The following PRKCQ variants were observed in gnomAD, a reference collection of about 807,000 sequenced individuals.
The protein encoded by PRKCQ is protein kinase C theta type.
PRKCQ carries 41 observed loss-of-function variants against 91.2 expected under a neutral mutation model. The ratio of observed to expected loss-of-function variants is 0.45; its 90% CI spans 0.35 to 0.58. The LOEUF (loss-of-function observed/expected upper bound fraction) is 0.58. Ranked by LOEUF, PRKCQ falls within the 20% of genes least tolerant of loss-of-function variation. The probability of loss-of-function intolerance (pLI) is 0.00; values close to 1 mark genes in which losing one functional copy is unlikely to be tolerated. For missense variants in PRKCQ, 673 were observed against 896.5 expected (o/e 0.75, Z 3.18); for synonymous variants, 307 against 316.9 (o/e 0.97, Z 0.33).
At chr10:6,490,412 T>C (rs577494757) in intron 8 of PRKCQ, among the ~76,000 whole-genome samples, 32 of 151,724 alleles carry the variant, frequency 2.1e-4, no homozygotes, top group African/African-American at 6.8e-4. Flanking sequence ...GCTTATATAT[T>C]TAATACTTCA....
intron 16 of PRKCQ, 84 bp from the exon 17 acceptor site, chr10:6,431,022 AGCCC>A: frequency 6.7e-7 from 1 of 1,499,764 alleles, no homozygotes; most frequent in Non-Finnish European, 8.9e-7. Flanking sequence ...CTGGTGCACC[AGCCC>A]CTTCTTTTCT....
intron 1 of PRKCQ, among the ~76,000 whole-genome samples, chr10:6,537,193 C>G (rs909714211): frequency 6.6e-6 from 1 of 152,064 alleles, no homozygotes; most frequent in African/African-American, 2.4e-5. Context: ...TTTTTTATTT[C>G]TCGCTTTGTT....
At chr10:6,530,233 T>G (rs1235279677) in intron 1 of PRKCQ, among the ~76,000 whole-genome samples, 2 of 152,152 alleles carry the variant, frequency 1.3e-5, no homozygotes, top group Non-Finnish European at 2.9e-5. Context: ...ATCCCATGAA[T>G]AGAGACATGG....
chr10:6,575,655 A>T (rs2130985702), intron 1 of PRKCQ, among the ~76,000 whole-genome samples: 1 of 152,378 alleles, frequency 6.6e-6, no homozygotes, highest in African/African-American at 2.4e-5. Context: ...GAGTAGCATC[A>T]GCCCAGAGAT....
At position 6,483,450 on chromosome 10, in the gene PRKCQ, CTT is replaced by C; in HGVS notation, c.1167_1168del (p.Ser390PhefsTer31). 1 of 1,614,236 alleles carries C rather than the reference CTT, an allele frequency of 6.2e-7. No homozygotes were observed. Among genetic ancestry groups the C allele is most frequent in the East Asian group, 2.2e-5 (1 of 44,888 alleles). ...CGTGCATTAGCTTACCTTGCCAAAA[CTT>C]CCTTTCCCCAACATTTTGTGCAAGA... On this transcript the variant is annotated frameshift_variant, in exon 11 of 18. Coordinates refer to ENST00000263125, the MANE Select transcript of PRKCQ (RefSeq NM_006257.5). LOFTEE classifies it high-confidence loss of function.
the PRKCQ span, among the ~76,000 whole-genome samples, chr10:6,404,726 TCCTC>T: frequency 2.0e-5 from 3 of 146,992 alleles, no homozygotes; most frequent in Admixed American, 1.3e-4. Context: ...TCTCTCTCCT[TCCTC>T]CCTCCTTCCT....
intron 11 of PRKCQ, among the ~76,000 whole-genome samples, chr10:6,483,201 C>T (rs1231507925): frequency 2.0e-5 from 3 of 152,128 alleles, no homozygotes; most frequent in Non-Finnish European, 2.9e-5. Flanking sequence ...AACTCATAGG[C>T]GTGTGAGATG....
intron 1 of PRKCQ, among the ~76,000 whole-genome samples, chr10:6,558,704 T>C (rs1840512920): frequency 6.6e-6 from 1 of 152,154 alleles, no homozygotes; most frequent in Admixed American, 6.5e-5. Flanking sequence ...TGTGAGGAGG[T>C]GGTCACCGTG....
intron 15 of PRKCQ, among the ~76,000 whole-genome samples, chr10:6,454,642 G>A (rs1834910127): frequency 6.6e-6 from 1 of 152,110 alleles, no homozygotes; most frequent in Admixed American, 6.6e-5. Flanking sequence ...GAAGTAGGGA[G>A]CAAGTTCAAC....
intron 16 of PRKCQ, among the ~76,000 whole-genome samples, chr10:6,441,459 TCTTTTTTTTTTC>T (rs2132258272): frequency 1.5e-5 from 1 of 67,300 alleles, no homozygotes; most frequent in South Asian, 6.5e-4. Context: ...CCATTTTGTT[TCTTTTTTTTTTC>T]CCCTTTATTG....
chr10:6,569,178 T>C (rs1840944034), intron 1 of PRKCQ, among the ~76,000 whole-genome samples: 1 of 152,150 alleles, frequency 6.6e-6, no homozygotes, highest in African/African-American at 2.4e-5. Context: ...TCAGACACAA[T>C]GCTGACTGCT....
chr10:6,401,244 C>A, the PRKCQ span, among the ~76,000 whole-genome samples: 2 of 152,120 alleles, frequency 1.3e-5, no homozygotes, highest in South Asian at 2.1e-4. Context: ...TGCAACCTGC[C>A]GAAACCATCT....
At position 6,455,021 on chromosome 10, in the gene PRKCQ, C is replaced by G. The variant is rs1203992495; in HGVS notation, c.1647+1653G>C. 2.0e-5 allele frequency among the ~76,000 whole-genome samples: 3 copies of G among 152,230 alleles called. No individual in the cohort carries two copies. In the South Asian group the frequency reaches 6.2e-4, roughly 32 times the overall value. ...ACAGGAATACATCAGAGTAAGGCAG[C>G]CACACCAAGGTGTTGCAAGGTGAAG... is the stretch of plus-strand genomic sequence containing the variant. On this transcript the variant is annotated intron_variant, in intron 15 of 17. Transcript: ENST00000263125.
the PRKCQ span, among the ~76,000 whole-genome samples, chr10:6,408,897 G>C: frequency 0.016 from 2,484 of 152,340 alleles, 32 homozygotes; most frequent in South Asian, 0.024. Flanking sequence ...TTACGCAGAA[G>C]TGGAACGGTG....
chr10:6,464,899 A>G (rs12267879), intron 12 of PRKCQ, among the ~76,000 whole-genome samples: 2,313 of 152,298 alleles, frequency 0.015, 64 homozygotes, highest in African/African-American at 0.053. Context: ...TTTGAGCCCC[A>G]GGAAGCCTGG....
intron 16 of PRKCQ, among the ~76,000 whole-genome samples, chr10:6,438,081 C>T (rs11817284): frequency 0.02 from 2,989 of 152,334 alleles, 117 homozygotes; most frequent in African/African-American, 0.069. Context: ...GTTTTCTAAG[C>T]TATTGCTTGT....
At chr10:6,450,571 C>A (rs953783773) in intron 15 of PRKCQ, among the ~76,000 whole-genome samples, 1 of 152,176 alleles carries the variant, frequency 6.6e-6, no homozygotes, top group African/African-American at 2.4e-5. Context: ...CAGCTCTGCA[C>A]CAAGCAGACC....
chr10:6,525,144 A>ATT (rs1564373823), intron 1 of PRKCQ, among the ~76,000 whole-genome samples: 6 of 149,994 alleles, frequency 4.0e-5, no homozygotes, highest in African/African-American at 1.5e-4. Flanking sequence ...ATTTATTTTA[A>ATT]GTTCTTTTTT....
At chr10:6,496,994 A>G (rs1320265785) in intron 7 of PRKCQ, 41 bp downstream of exon 7, 1 of 1,557,144 alleles carries the variant, frequency 6.4e-7, no homozygotes, top group East Asian at 2.2e-5. Context: ...TAACGTTCTG[A>G]TAAAAATCAC....
Sources: gnomAD v4.1 joint callset for allele counts (sites outside exome capture counted in the v4.1 genomes callset) on GRCh38, gnomAD v4.1.1 for gene constraint, MANE v1.5 for transcripts, NCBI Gene and HGNC (gene_info 2026-07-23, HGNC 2026-07-21) for gene names.